Variants in DIP2C observed in about 807,000 individuals in gnomAD.
The protein encoded by DIP2C is DIP2 acetate--CoA ligase C (putative).
Under a neutral mutation model 192.4 loss-of-function variants are expected in DIP2C, and 33 were observed. The observed-to-expected ratio is 0.17, with a 90% CI of 0.13 to 0.23. The LOEUF (loss-of-function observed/expected upper bound fraction) is 0.23, where lower values mean the gene tolerates loss of function less well. Among genes scored for constraint, DIP2C ranks in the 10% least tolerant of loss-of-function variants. DIP2C has a pLI of 1.00. For missense variants in DIP2C, 1,537 were observed against 2,110.1 expected (o/e 0.73, Z 5.32); for synonymous variants, 979 against 864.1 (o/e 1.13, Z -2.33).
intron 3 of DIP2C, among the ~76,000 whole-genome samples, chr10:466,811 T>C (rs1219103968): frequency 7.1e-6 from 1 of 140,430 alleles, no homozygotes; most frequent in African/African-American, 2.5e-5. Flanking sequence ...GTCAGAGAAA[T>C]GCAAATCAAA....
At chr10:365,469 T>C (rs1002629837) in intron 19 of DIP2C, among the ~76,000 whole-genome samples, 4 of 152,192 alleles carry the variant, frequency 2.6e-5, no homozygotes, top group Non-Finnish European at 5.9e-5. Flanking sequence ...CCCAGGAGTT[T>C]GAAGCTGCAG....
intron 3 of DIP2C, among the ~76,000 whole-genome samples, chr10:452,137 G>A (rs1456749801): frequency 1.3e-5 from 2 of 152,154 alleles, no homozygotes; most frequent in Non-Finnish European, 2.9e-5. Context: ...ACTGTGGACT[G>A]CACAGCAGAA....
chr10:544,644 G>A (rs1848182739), intron 1 of DIP2C, among the ~76,000 whole-genome samples: 1 of 152,126 alleles, frequency 6.6e-6, no homozygotes, highest in Non-Finnish European at 1.5e-5. Flanking sequence ...TTGTGAAGTG[G>A]TATCTCACGG....
chr10:505,576 G>A (rs1165703317), intron 1 of DIP2C, among the ~76,000 whole-genome samples: 2 of 151,696 alleles, frequency 1.3e-5, no homozygotes, highest in African/African-American at 2.4e-5. Context: ...CTTCCTGTGG[G>A]TGCCCCTGAC....
At chr10:336,248 G>A (rs1405762886) in intron 29 of DIP2C, among the ~76,000 whole-genome samples, 3 of 152,154 alleles carry the variant, frequency 2.0e-5, no homozygotes, top group African/African-American at 4.8e-5. Context: ...CCAGGATAGC[G>A]ATGCTTTGGT....
At chr10:439,066 G>A (rs1204825842) in intron 4 of DIP2C, among the ~76,000 whole-genome samples, 1 of 152,146 alleles carries the variant, frequency 6.6e-6, no homozygotes, top group Non-Finnish European at 1.5e-5. Flanking sequence ...GGCTGGTCTT[G>A]AACTCTTGGG....
rs532068120 is a variant in DIP2C, at chr10:543,124, A to T, written c.86-56594T>A. On this transcript the variant is annotated intron_variant, in intron 1 of 36. Coordinates refer to ENST00000280886, the MANE Select transcript of DIP2C (RefSeq NM_014974.3). ...TTTGGTAACTCGCTGCACAGATACAACTGGACAGCAGTGAGATCCATGGAC... is the reference window on the plus strand; with the variant it reads ...TTTGGTAACTCGCTGCACAGATACATCTGGACAGCAGTGAGATCCATGGAC... Among the ~76,000 whole-genome samples, 5 of 152,344 alleles carry T rather than the reference A, an allele frequency of 3.3e-5. No individual in the cohort carries two copies. In the East Asian group the frequency reaches 7.7e-4, roughly 24 times the overall value.
intron 3 of DIP2C, among the ~76,000 whole-genome samples, chr10:446,847 A>AT (rs1443265392): frequency 2.6e-5 from 4 of 152,180 alleles, no homozygotes; most frequent in African/African-American, 9.6e-5. Flanking sequence ...TTTCTCCTTT[A>AT]TTTTTTGTCA....
chr10:472,326 C>A (rs1301515850), intron 3 of DIP2C, 113 bp downstream of exon 3: 12 of 896,034 alleles, frequency 1.3e-5, no homozygotes, highest in Non-Finnish European at 1.7e-5. Flanking sequence ...AGGCCCCTCG[C>A]GTGCTGCAGG....
At chr10:373,550 T>A (rs543053185) in intron 17 of DIP2C, among the ~76,000 whole-genome samples, 1 of 152,176 alleles carries the variant, frequency 6.6e-6, no homozygotes, top group South Asian at 2.1e-4. Context: ...ATGTCTGGGG[T>A]CCACGGTCTA....
chr10:314,822 T>C (rs1053715442), intron 31 of DIP2C, among the ~76,000 whole-genome samples: 2 of 152,216 alleles, frequency 1.3e-5, no homozygotes, highest in East Asian at 1.9e-4. Flanking sequence ...ACCCTCATGA[T>C]CTAATCACCT....
chr10:575,353 A>G (rs1387030919), intron 1 of DIP2C, among the ~76,000 whole-genome samples: 1 of 152,222 alleles, frequency 6.6e-6, no homozygotes, highest in African/African-American at 2.4e-5. Context: ...AAGTTTTCAA[A>G]TGAAGGGACT....
At chr10:330,145 C>T (rs1957438789) in intron 29 of DIP2C, among the ~76,000 whole-genome samples, 1 of 152,030 alleles carries the variant, frequency 6.6e-6, no homozygotes, top group African/African-American at 2.4e-5. Flanking sequence ...AAGAGCAGGC[C>T]TATACCTGGT....
intron 22 of DIP2C, among the ~76,000 whole-genome samples, chr10:359,704 G>A (rs1214917487): frequency 2.0e-5 from 3 of 152,176 alleles, no homozygotes; most frequent in Non-Finnish European, 4.4e-5. Flanking sequence ...CACGATCTCA[G>A]AACACAACAC....
At chr10:334,666 A>G in intron 29 of DIP2C, among the ~76,000 whole-genome samples, 1 of 152,214 alleles carries the variant, frequency 6.6e-6, no homozygotes, top group East Asian at 1.9e-4. Context: ...CGAATTTCCC[A>G]GCATCTGTTG....
intron 33 of DIP2C, among the ~76,000 whole-genome samples, chr10:286,874 C>T (rs147343510): frequency 8.3e-4 from 127 of 152,252 alleles, no homozygotes; most frequent in African/African-American, 3.0e-3. Context: ...TAAGCATGGA[C>T]TCGAAGATAA....
intron 4 of DIP2C, among the ~76,000 whole-genome samples, chr10:423,775 A>G (rs1966377869): frequency 6.6e-6 from 1 of 152,084 alleles, no homozygotes; most frequent in Non-Finnish European, 1.5e-5. Flanking sequence ...GACACTGATG[A>G]TGGTAACAGG....
chr10:292,204 A>AT (rs1184194430), intron 32 of DIP2C, among the ~76,000 whole-genome samples: 7 of 152,208 alleles, frequency 4.6e-5, no homozygotes, highest in African/African-American at 1.7e-4. Flanking sequence ...TCCAACGTGC[A>AT]TTACTGCTGC....
At chr10:665,183 T>C (rs1857008639) in intron 1 of DIP2C, 1 of 152,248 alleles carries the variant, frequency 6.6e-6, no homozygotes, top group African/African-American at 2.4e-5. Context: ...GTGAGTTCTC[T>C]TGACCCTAAT....
Sources: allele counts gnomAD v4.1 joint callset (sites outside exome capture counted in the v4.1 genomes callset), GRCh38; gene constraint gnomAD v4.1.1; transcripts MANE v1.5; gene names NCBI Gene and HGNC (gene_info 2026-07-23, HGNC 2026-07-21).